The following ABCG8 variants were observed in gnomAD, a reference collection of about 807,000 sequenced individuals.
ABCG8 encodes the protein ATP-binding cassette sub-family G member 8.
A neutral mutation model predicts 71.3 loss-of-function variants in ABCG8; 81 were observed. That is an observed-to-expected ratio of 1.14 (90% CI 0.95 to 1.37). The LOEUF (loss-of-function observed/expected upper bound fraction) is 1.37. Among genes scored for constraint, ABCG8 ranks in the 40% most tolerant of loss-of-function variants. The pLI, the probability that ABCG8 is intolerant of heterozygous loss-of-function variation, is 0.00. For synonymous variants in ABCG8, 451 were observed against 354.7 expected (o/e 1.27, Z -3.05); for missense variants, 1,119 against 866.2 (o/e 1.29, Z -3.66).
At chr2:43,839,628 T>A (rs1668500407) in intron 1 of ABCG8, among the ~76,000 whole-genome samples, 1 of 151,984 alleles carries the variant, frequency 6.6e-6, no homozygotes, top group Non-Finnish European at 1.5e-5. Context: ...TGTTTCACCA[T>A]GTTGGTCAGG....
At chr2:43,866,092 G>A (rs541786053) in intron 6 of ABCG8, among the ~76,000 whole-genome samples, 2,859 of 152,104 alleles carry the variant, frequency 0.019, 48 homozygotes, top group Non-Finnish European at 0.03. Flanking sequence ...CAAGCAATGG[G>A]GAAAGGATTC....
chr2:43,861,669 C>A (rs538167779), intron 6 of ABCG8, among the ~76,000 whole-genome samples: 1 of 151,226 alleles, frequency 6.6e-6, no homozygotes, highest in Non-Finnish European at 1.5e-5. Flanking sequence ...AGAACTATCA[C>A]CCTCTGGATA....
intron 6 of ABCG8, among the ~76,000 whole-genome samples, chr2:43,859,963 C>G (rs779900973): frequency 2.6e-5 from 4 of 151,290 alleles, no homozygotes; most frequent in Non-Finnish European, 5.9e-5. Flanking sequence ...CTGGATAGAA[C>G]TCTCACTATC....
chr2:43,841,693 A>AGGAAGG (rs1218129755), intron 1 of ABCG8, among the ~76,000 whole-genome samples: 1 of 152,068 alleles, frequency 6.6e-6, no homozygotes, highest in Non-Finnish European at 1.5e-5. Flanking sequence ...ACAAGCAACC[A>AGGAAGG]GGCACCTCTC....
At position 43,872,294 on chromosome 2, in the gene ABCG8, C is replaced by A. The variant is rs4148217; in HGVS notation, c.1199C>A (p.Thr400Lys). 311,752 of 1,613,206 alleles carry A rather than the reference C, an allele frequency of 0.19. 31,756 individuals are homozygous for A. Among genetic ancestry groups the A allele is most frequent in the Admixed American group, 0.33 (19,470 of 59,906 alleles). ...TKMPGAVQQF[T>K]TLIRRQISND... ...ATGCCTGGGGCGGTGCAGCAGTTTA[C>A]GACGCTGATCCGGTAATTATCTGTC... The change falls in exon 8 of 13, where the codon ACG becomes AAG. Residue 400 changes from threonine to lysine, a missense_variant. Transcript: ENST00000272286.
intron 3 of ABCG8, chr2:43,846,643 C>T: frequency 2.7e-6 from 1 of 367,208 alleles, no homozygotes; most frequent in African/African-American, 2.1e-5. Flanking sequence ...ACTCCTCCAG[C>T]CATGAGGGGC....
chr2:43,844,455 T>C (rs1369139437), intron 1 of ABCG8, 52 bp from the exon 2 acceptor site: 2 of 1,459,524 alleles, frequency 1.4e-6, no homozygotes, highest in South Asian at 2.3e-5. Context: ...TGTCTTCTCC[T>C]ATGTTCTCAG....
At chr2:43,873,320 C>G (rs909660583) in intron 8 of ABCG8, among the ~76,000 whole-genome samples, 1 of 151,910 alleles carries the variant, frequency 6.6e-6, no homozygotes, top group African/African-American at 2.4e-5. Context: ...TCCCAAGTAG[C>G]TGGGATTACA....
intron 10 of ABCG8, 141 bp from the exon 11 acceptor site, chr2:43,875,005 G>T (rs1669910182): frequency 8.2e-6 from 10 of 1,212,808 alleles, no homozygotes; most frequent in African/African-American, 1.5e-5. Context: ...ATGCTCCTGG[G>T]TCCCAGCACA....
chr2:43,840,067 A>G (rs1219243133), intron 1 of ABCG8, among the ~76,000 whole-genome samples: 1 of 152,232 alleles, frequency 6.6e-6, no homozygotes, highest in Non-Finnish European at 1.5e-5. Flanking sequence ...ACTGGAAGAC[A>G]AGCGAGAAGC....
chr2:43,868,836 C>A (rs1558843665), intron 6 of ABCG8, among the ~76,000 whole-genome samples: 1 of 151,816 alleles, frequency 6.6e-6, no homozygotes, highest in Middle Eastern at 3.2e-3. Flanking sequence ...AGAATTCTCA[C>A]TCTAGATAGA....
chr2:43,840,413 A>C (rs1018818157), intron 1 of ABCG8, among the ~76,000 whole-genome samples: 4 of 152,236 alleles, frequency 2.6e-5, no homozygotes, highest in Non-Finnish European at 4.4e-5. Context: ...TTCAGCCACC[A>C]CAGCTTGAGA....
chr2:43,851,311 G>A (rs1457037238), intron 3 of ABCG8, among the ~76,000 whole-genome samples: 1 of 152,232 alleles, frequency 6.6e-6, no homozygotes, highest in East Asian at 1.9e-4. Context: ...TCTCCTGTCA[G>A]GCCACCACTG....
intron 6 of ABCG8, among the ~76,000 whole-genome samples, chr2:43,861,771 G>C (rs942714278): frequency 2.0e-5 from 3 of 150,438 alleles, no homozygotes; most frequent in Non-Finnish European, 4.5e-5. Context: ...TCACTATCCG[G>C]ATAGAAATTT....
Position 43,875,381 on chromosome 2 carries a change from G to A in ABCG8, c.1724G>A (p.Gly575Asp), listed in dbSNP as rs751667923. ...ALYNSFYLAG[G>D]FMINLSSLWT... ...TACAACTCCTTCTACCTCGCCGGGG[G>A]CTTCATGATAAACTTGAGCAGCCTG... The change falls in exon 11 of 13, where the codon GGC becomes GAC. Residue 575 changes from glycine to aspartate, a missense_variant. Gly to Asp is a moderately conservative substitution (Grantham distance 94). Coordinates refer to ENST00000272286, the MANE Select transcript of ABCG8 (RefSeq NM_022437.3). The A allele has an allele frequency of 1.3e-5, 21 of 1,613,990 alleles. No homozygotes were observed. In the South Asian group the frequency reaches 2.1e-4, roughly 16 times the overall value.
intron 4 of ABCG8, 86 bp from the exon 5 acceptor site, chr2:43,852,268 G>C: frequency 6.3e-7 from 1 of 1,590,270 alleles, no homozygotes; most frequent in Non-Finnish European, 8.6e-7. Context: ...AGCCGGAGGA[G>C]CGGGCGCCTT....
chr2:43,881,844 G>A lies in ABCG8; in HGVS notation c.*3931G>A, dbSNP rs1314826337. The A allele has an allele frequency of 1.3e-5, 2 of 152,328 alleles. No individual in the cohort carries two copies. Among genetic ancestry groups the A allele is most frequent in the Admixed American group, 6.5e-5 (1 of 15,298 alleles). 9.4% of individuals were successfully genotyped at this position (152,328 alleles called of 1,614,324 possible). A position where few individuals can be genotyped will look rare whatever the true frequency, so the allele number is the denominator to read the frequency against. ...GGCTTGCAAAGTTTTCCTGTTAAGA[G>A]TCAGATAGTAAATATTTGGGACTTC... is the stretch of plus-strand genomic sequence containing the variant. On this transcript the variant is annotated 3_prime_UTR_variant, in exon 13 of 13. Coordinates refer to ENST00000272286, the MANE Select transcript of ABCG8 (RefSeq NM_022437.3).
At chr2:43,862,254 A>T (rs1669349540) in intron 6 of ABCG8, among the ~76,000 whole-genome samples, 1 of 147,804 alleles carries the variant, frequency 6.8e-6, no homozygotes. Flanking sequence ...AATTCTCAGC[A>T]TCTGGATAGA....
chr2:43,877,656 G>C lies in ABCG8; in HGVS notation c.1852G>C (p.Gly618Arg), dbSNP rs200005264. ...CAGAAGAACTTATAAAATGCCTCTC[G>C]GGAACCTCACCATCGCGGTCTCAGG... ...FSRRTYKMPL[G>R]NLTIAVSGDK... The change falls in exon 12 of 13, where the codon GGG (glycine) becomes CGG (arginine). Residue 618 changes from glycine (G) to arginine (R), a missense_variant. Transcript: ENST00000272286. 6.2e-7 allele frequency: 1 copy of C among 1,614,070 alleles called. No individual in the cohort carries two copies.
Sources: gnomAD v4.1 joint callset for allele counts (sites outside exome capture counted in the v4.1 genomes callset) on GRCh38, gnomAD v4.1.1 for gene constraint, MANE v1.5 for transcripts, NCBI Gene and HGNC (gene_info 2026-07-23, HGNC 2026-07-21) for gene names.